The following ARSG variants were observed in gnomAD, a reference collection of about 807,000 sequenced individuals.
ARSG encodes the protein arylsulfatase G, also known as ASG.
In ARSG, 37 loss-of-function variants were observed where a neutral mutation model predicts 50.5. The ratio of observed to expected loss-of-function variants is 0.73; its 90% CI spans 0.56 to 0.96. The LOEUF is 0.96. ARSG is among the 50% of genes least tolerant of loss of function. The pLI, the probability that ARSG is intolerant of heterozygous loss-of-function variation, is 0.00. For missense variants in ARSG, 629 were observed against 675.3 expected, an observed-to-expected ratio of 0.93 and a Z score of 0.76; for synonymous variants, 225 against 254.6, an observed-to-expected ratio of 0.88 and a Z score of 1.11.
At chr17:68,333,300 C>T (rs1170287878) in intron 2 of ARSG, among the ~76,000 whole-genome samples, 4 of 151,368 alleles carry the variant, frequency 2.6e-5, no homozygotes, top group African/African-American at 7.3e-5. Context: ...CCAGCCTGGG[C>T]GACAGAGCGA....
rs146502586 is a variant in ARSG, at chr17:68,365,266, C to T, written c.705-3282C>T. On this transcript the variant is annotated intron_variant, in intron 6 of 11. Transcript: ENST00000621439. ...GGCGGAGGTTGTAGTGAGCCAAGAT[C>T]GCGCCACTGCACTCCAGCTTGGGAG... Among the ~76,000 whole-genome samples, 29 of 152,260 alleles carry T rather than the reference C, an allele frequency of 1.9e-4. No homozygotes were observed. The East Asian group carries it at 4.6e-3, about 24-fold the overall frequency.
chr17:68,295,552 C>T (rs1160942279), intron 1 of ARSG, among the ~76,000 whole-genome samples: 2 of 151,704 alleles, frequency 1.3e-5, no homozygotes, highest in Non-Finnish European at 2.9e-5. Context: ...TCCTAGAAAA[C>T]AAACCCAGGC....
chr17:68,429,106 G>T, the ARSG span, among the ~76,000 whole-genome samples: 3 of 152,168 alleles, frequency 2.0e-5, no homozygotes, highest in Admixed American at 1.3e-4. Flanking sequence ...TTCTGGCCTT[G>T]GGATCTACTT....
At chr17:68,351,830 A>C in intron 5 of ARSG, 144 bp downstream of exon 5, 1 of 628,316 alleles carries the variant, frequency 1.6e-6, no homozygotes, top group Non-Finnish European at 2.8e-6. Context: ...TGCAAATTTA[A>C]ATGTGTTATT....
chr17:68,275,842 G>T (rs1239231628), intron 1 of ARSG, among the ~76,000 whole-genome samples: 2 of 151,790 alleles, frequency 1.3e-5, no homozygotes, highest in Admixed American at 1.3e-4. Flanking sequence ...AATTAGCCAG[G>T]CGTGGTGGCA....
chr17:68,291,738 T>A (rs1179746306), intron 1 of ARSG, among the ~76,000 whole-genome samples, 170 bp downstream of exon 1: 2 of 151,060 alleles, frequency 1.3e-5, no homozygotes, highest in African/African-American at 4.9e-5. Context: ...GTGTTGGGGG[T>A]GCCTGCATCC....
At chr17:68,441,464 A>G in the ARSG span, among the ~76,000 whole-genome samples, 112 of 152,374 alleles carry the variant, frequency 7.4e-4, no homozygotes, top group African/African-American at 2.5e-3. Flanking sequence ...TAAAATCAAC[A>G]GTCACAGTTT....
At chr17:68,384,939 A>T in intron 8 of ARSG, 125 bp from the exon 9 acceptor site, 1 of 701,532 alleles carries the variant, frequency 1.4e-6, no homozygotes, top group Non-Finnish European at 2.5e-6. Flanking sequence ...GTTACCAAAA[A>T]AGTCATTCCT....
chr17:68,447,553 T>C, the ARSG span, among the ~76,000 whole-genome samples: 1,232 of 152,156 alleles, frequency 8.1e-3, 21 homozygotes, highest in African/African-American at 0.026. Flanking sequence ...AGCTAATTTA[T>C]TTTTATAGTA....
At chr17:68,282,779 TAAAAAAA>T (rs36155626) in intron 1 of ARSG, among the ~76,000 whole-genome samples, 2 of 53,404 alleles carry the variant, frequency 3.7e-5, no homozygotes, top group African/African-American at 1.9e-4. Context: ...CCATCTCTAC[TAAAAAAA>T]AAAAAAAAAA....
chr17:68,388,922 C>CAAA (rs35105754), intron 9 of ARSG, among the ~76,000 whole-genome samples: 92 of 107,968 alleles, frequency 8.5e-4, no homozygotes, highest in South Asian at 3.4e-3. Context: ...GACTCTGTCT[C>CAAA]AAAAAAAAAA....
downstream of ARSG, chr17:68,427,115 T>A (rs2083248984): frequency 6.3e-7 from 1 of 1,598,584 alleles, no homozygotes; most frequent in East Asian, 2.2e-5. Flanking sequence ...TGCTCCCCTG[T>A]TGGCCCCGTG....
chr17:68,450,783 T>C, the ARSG span: 1 of 1,614,034 alleles, frequency 6.2e-7, no homozygotes, highest in Non-Finnish European at 8.5e-7. Flanking sequence ...ATTACAGATC[T>C]CTGTGCCTTT....
At chr17:68,306,024 T>C (rs1555763864) in intron 1 of ARSG, among the ~76,000 whole-genome samples, 1 of 151,580 alleles carries the variant, frequency 6.6e-6, no homozygotes, top group Non-Finnish European at 1.5e-5. Flanking sequence ...TTTTTTGAGA[T>C]GGAGTTTTGT....
At chr17:68,361,888 C>A (rs1478980173) in intron 6 of ARSG, among the ~76,000 whole-genome samples, 1 of 152,124 alleles carries the variant, frequency 6.6e-6, no homozygotes, top group Non-Finnish European at 1.5e-5. Flanking sequence ...TACACTCCAG[C>A]CTGGGCAACA....
intron 9 of ARSG, among the ~76,000 whole-genome samples, chr17:68,385,443 T>A (rs1051565984): frequency 3.3e-5 from 5 of 150,934 alleles, no homozygotes; most frequent in Admixed American, 6.6e-5. Flanking sequence ...GCAGGAGGAT[T>A]GCTGAGGTCA....
chr17:68,360,098 G>A (rs1442689746), intron 6 of ARSG, among the ~76,000 whole-genome samples: 1 of 152,160 alleles, frequency 6.6e-6, no homozygotes, highest in African/African-American at 2.4e-5. Flanking sequence ...GTGGGCATAG[G>A]GCCTGGACAT....
intron 8 of ARSG, among the ~76,000 whole-genome samples, chr17:68,373,927 G>A (rs1368147500): frequency 6.6e-6 from 1 of 151,938 alleles, no homozygotes; most frequent in Non-Finnish European, 1.5e-5. Flanking sequence ...GGAGGCCGAG[G>A]CGGGCGGATC....
intron 5 of ARSG, among the ~76,000 whole-genome samples, chr17:68,352,877 CATTTATG>C (rs1352952174): frequency 6.6e-6 from 1 of 151,886 alleles, no homozygotes; most frequent in East Asian, 1.9e-4. Flanking sequence ...TCCTGAGATG[CATTTATG>C]ATCACAAAAA....
Sources: allele counts gnomAD v4.1 joint callset (sites outside exome capture counted in the v4.1 genomes callset), GRCh38; gene constraint gnomAD v4.1.1; transcripts MANE v1.5; gene names NCBI Gene and HGNC (gene_info 2026-07-23, HGNC 2026-07-21).